The following ABCC8 variants were observed in gnomAD, a reference collection of about 807,000 sequenced individuals.
ABCC8 encodes ATP binding cassette subfamily C member 8, also known as ATP-binding cassette sub-family C member 8.
In ABCC8, 137 loss-of-function variants were observed where a neutral mutation model predicts 188.0. The observed-to-expected ratio is 0.73, with a 90% confidence interval of 0.63 to 0.84. The LOEUF (loss-of-function observed/expected upper bound fraction) is 0.84. Among genes scored for constraint, ABCC8 ranks in the 40% least tolerant of loss-of-function variants. The pLI, the probability that ABCC8 is intolerant of heterozygous loss-of-function variation, is 0.00. For missense variants in ABCC8, 1,750 were observed against 2,072.7 expected, an observed-to-expected ratio of 0.84 and a Z score of 3.02; for synonymous variants, 797 against 846.5, an observed-to-expected ratio of 0.94 and a Z score of 1.01.
At chr11:17,418,807 C>T (rs1591775292) in intron 16 of ABCC8, among the ~76,000 whole-genome samples, 1 of 152,212 alleles carries the variant, frequency 6.6e-6, no homozygotes, top group African/African-American at 2.4e-5. Flanking sequence ...GCAGGAAGAA[C>T]ATCTTTTTCA....
At chr11:17,398,531 C>T (rs1031126559) in intron 29 of ABCC8, 90 bp from the exon 30 acceptor site, 2 of 1,574,742 alleles carry the variant, frequency 1.3e-6, no homozygotes, top group Non-Finnish European at 1.7e-6. Context: ...GGCTCCAGGG[C>T]CCCTCCAGTC....
Position 17,433,930 on chromosome 11 carries a change from T to C in ABCC8, c.1631-1686A>G, listed in dbSNP as rs377454030. Among the ~76,000 whole-genome samples, 320 of 152,320 alleles carry C rather than the reference T, an allele frequency of 2.1e-3. 1 individual carries two copies. Among genetic ancestry groups the C allele is most frequent in the African/African-American group, 7.3e-3 (303 of 41,560 alleles). On this transcript the variant is annotated intron_variant, in intron 10 of 38. Coordinates refer to ENST00000389817, the MANE Select transcript of ABCC8 (RefSeq NM_000352.6). ...GCCCACTACCATGCCACAGCCCTCC[T>C]GCACCGTTTCCGGCAGGAAACAGCG...
intron 7 of ABCC8, among the ~76,000 whole-genome samples, chr11:17,449,761 C>CT (rs1305606956): frequency 2.0e-5 from 3 of 152,136 alleles, no homozygotes; most frequent in East Asian, 3.8e-4. Flanking sequence ...TAAACCCAGG[C>CT]TTTTTTGTGG....
At chr11:17,400,709 A>G (rs1364588053) in intron 29 of ABCC8, among the ~76,000 whole-genome samples, 1 of 152,240 alleles carries the variant, frequency 6.6e-6, no homozygotes, top group Non-Finnish European at 1.5e-5. Context: ...TTCCAAGCTC[A>G]GCGCCAGCCC....
At chr11:17,463,703 A>T (rs1235606846) in intron 3 of ABCC8, 99 bp from the exon 4 acceptor site, 1 of 1,484,416 alleles carries the variant, frequency 6.7e-7, no homozygotes, top group Non-Finnish European at 9.1e-7. Context: ...AGACAGAATA[A>T]GCGTGCCTGG....
chr11:17,404,548 C>T lies in ABCC8; in HGVS notation c.3521G>A (p.Cys1174Tyr), dbSNP rs764225237. 3 of 1,614,126 alleles carry T rather than the reference C, an allele frequency of 1.9e-6. No homozygotes were observed. The highest frequency in any genetic ancestry group is 3.3e-5 in the Admixed American group (2 of 60,026). Residue 1174 changes from cysteine to tyrosine, a missense_variant, in exon 28 of 39, where the codon TGC becomes TAC. By Grantham distance (194) the Cys-to-Tyr change is radical. Transcript: ENST00000389817. This position sits in a 1 kb window ranked among gnomAD's most constrained non-coding sequence, Gnocchi z 4.7. ...CCGGAAGTACTTCTGGATGAAGTAG[C>T]ACACGATGGCCAGGGGCAAGAGGGC... is the stretch of plus-strand genomic sequence containing the variant. ...LVALLPLAIV[C>Y]YFIQKYFRVA...
intron 23 of ABCC8, 147 bp downstream of exon 23, chr11:17,408,245 G>A: frequency 1.3e-6 from 1 of 754,988 alleles, no homozygotes; most frequent in South Asian, 1.7e-5. Flanking sequence ...CTCTCCTCTG[G>A]TAGGAGCCAG....
At position 17,449,460 on chromosome 11, in the gene ABCC8, C is replaced by G. The variant is rs114233844; in HGVS notation, c.1177-789G>C. Among the ~76,000 whole-genome samples the G allele has an allele frequency of 1.0e-2, 1,520 of 152,274 alleles. 15 individuals carry two copies. Among genetic ancestry groups the G allele is most frequent in the African/African-American group, 0.029 (1,188 of 41,546 alleles). On this transcript the variant is annotated intron_variant, in intron 7 of 38. Transcript: ENST00000389817. ...TGGAAGGTCTGATGTGTTACACGACCGCGTGAGTCAGTCAGCCCCAGCACC... is the reference window on the plus strand; with the variant it reads ...TGGAAGGTCTGATGTGTTACACGACGGCGTGAGTCAGTCAGCCCCAGCACC...
rs1337393267 is a variant in ABCC8 at position 17,461,202 on chromosome 11, A to G, written c.822+381T>C. ...AACTCATAGAGTTACCATAAGGATC[A>G]GGCCACTAACACCCCTGCTCCAAAT... On this transcript the variant is annotated intron_variant, in intron 5 of 38. Transcript: ENST00000389817. The G allele has an allele frequency of 1.4e-5, 5 of 364,130 alleles. No homozygotes were observed. The Admixed American group carries it at 2.0e-4, about 15-fold the overall frequency. 22.6% of individuals were successfully genotyped at this position (364,130 alleles called of 1,614,324 possible). A position where few individuals can be genotyped will look rare whatever the true frequency, so the allele number is the denominator to read the frequency against.
At chr11:17,428,760 A>C (rs774189481) in intron 12 of ABCC8, 90 bp from the exon 13 acceptor site, 11 of 1,573,168 alleles carry the variant, frequency 7.0e-6, no homozygotes, top group Non-Finnish European at 9.4e-6. Flanking sequence ...TCTGAGCAGG[A>C]TCTCAGGCCT....
chr11:17,473,045 G>A (rs1022868256), intron 2 of ABCC8, among the ~76,000 whole-genome samples: 5 of 152,170 alleles, frequency 3.3e-5, no homozygotes, highest in African/African-American at 1.2e-4. Flanking sequence ...ACATTTTTAA[G>A]TTGGCAACTA....
At chr11:17,455,611 G>A (rs1956963612) in intron 6 of ABCC8, among the ~76,000 whole-genome samples, 1 of 152,076 alleles carries the variant, frequency 6.6e-6, no homozygotes, top group South Asian at 2.1e-4. Flanking sequence ...GTTTAAAAGG[G>A]ATAGAACCTG....
chr11:17,440,199 G>C (rs7110117), intron 10 of ABCC8, among the ~76,000 whole-genome samples: 7,392 of 152,094 alleles, frequency 0.049, 204 homozygotes, highest in South Asian at 0.076. Flanking sequence ...TCTCAGCAAC[G>C]ACAAGCCTGC....
intron 22 of ABCC8, 95 bp from the exon 23 acceptor site, chr11:17,408,612 A>G (rs997420190): frequency 6.6e-7 from 1 of 1,518,696 alleles, no homozygotes; most frequent in Non-Finnish European, 8.8e-7. Flanking sequence ...AGGTTGACAC[A>G]TCCCTTTCCT....
Position 17,410,549 on chromosome 11 carries a change from G to C in ABCC8, c.2661C>G (p.Thr887=), listed in dbSNP as rs1235601097. The C allele has an allele frequency of 1.2e-6, 2 of 1,614,106 alleles. No homozygotes were observed. Among genetic ancestry groups the C allele is most frequent in the Non-Finnish European group, 1.7e-6 (2 of 1,180,010 alleles). Reference sequence around the variant, plus strand: ...CATGGGGCAGGTACTGTAGCTTGTGGGTCACTAAGACCACTGTCCTCTTGT... The same window carrying C: ...CATGGGGCAGGTACTGTAGCTTGTGCGTCACTAAGACCACTGTCCTCTTGT... The part of the protein sequence containing the change: ...RDDKRTVVLV[T]HKLQYLPHAD... The change falls in exon 22 of 39, where the codon ACC becomes ACG. Residue 887 remains threonine (T), a synonymous_variant. Coordinates refer to ENST00000389817, the MANE Select transcript of ABCC8 (RefSeq NM_000352.6).
intron 19 of ABCC8, among the ~76,000 whole-genome samples, chr11:17,414,214 G>T (rs549987469): frequency 6.6e-6 from 1 of 152,198 alleles, no homozygotes; most frequent in East Asian, 1.9e-4. Flanking sequence ...GGAGCCAGGC[G>T]AATGGAGACT....
intron 21 of ABCC8, among the ~76,000 whole-genome samples, chr11:17,411,780 G>A (rs1481022831): frequency 2.0e-5 from 3 of 151,966 alleles, no homozygotes; most frequent in Non-Finnish European, 4.4e-5. Context: ...TCCCTAATCA[G>A]ATTCTAAATC....
intron 35 of ABCC8, 71 bp downstream of exon 35, chr11:17,395,539 C>T: frequency 2.0e-6 from 3 of 1,528,584 alleles, no homozygotes; most frequent in Admixed American, 2.0e-5. Flanking sequence ...ACCCCCTCCT[C>T]TTTGTGCTCC....
chr11:17,459,635 A>G (rs942594013), intron 6 of ABCC8, among the ~76,000 whole-genome samples: 1 of 152,214 alleles, frequency 6.6e-6, no homozygotes, highest in Non-Finnish European at 1.5e-5. Flanking sequence ...AAAATGTTAT[A>G]ATGACATCCT....
Sources: gnomAD v4.1 joint callset for allele counts (sites outside exome capture counted in the v4.1 genomes callset) on GRCh38, gnomAD v4.1.1 for gene constraint, Gnocchi (gnomAD v3.1) non-coding constraint, MANE v1.5 for transcripts, NCBI Gene and HGNC (gene_info 2026-07-23, HGNC 2026-07-21) for gene names.